MEOX2: variants seen among roughly 807,000 people sequenced by gnomAD.
The protein encoded by MEOX2 is homeobox protein MOX-2.
A neutral mutation model predicts 27.0 loss-of-function variants in MEOX2; 11 were observed. The observed-to-expected ratio is 0.41, with a 90% CI of 0.26 to 0.68. The LOEUF (loss-of-function observed/expected upper bound fraction) is 0.68, where lower values mean the gene tolerates loss of function less well. Among genes scored for constraint, MEOX2 ranks in the 30% least tolerant of loss-of-function variants. MEOX2 has a pLI of 0.33. For synonymous variants in MEOX2, 189 were observed against 155.4 expected (o/e 1.22, Z -1.61); for missense variants, 436 against 385.4 (o/e 1.13, Z -1.10).
chr7:15,679,320 C>T (rs993690818), intron 1 of MEOX2: 1 of 151,948 alleles, frequency 6.6e-6, no homozygotes, highest in Non-Finnish European at 1.5e-5. Context: ...TTATCCTTTC[C>T]TTGCCATTGT....
At chr7:15,651,037 A>C (rs1781725439) in intron 1 of MEOX2, among the ~76,000 whole-genome samples, 1 of 152,008 alleles carries the variant, frequency 6.6e-6, no homozygotes, top group Non-Finnish European at 1.5e-5. Context: ...AAGTGCTGGA[A>C]ACAAGGACGT....
At chr7:15,641,253 T>G (rs1047269616) in intron 1 of MEOX2, among the ~76,000 whole-genome samples, 1 of 152,170 alleles carries the variant, frequency 6.6e-6, no homozygotes, top group Non-Finnish European at 1.5e-5. Flanking sequence ...TCTTGGGAGA[T>G]TGTATGTTTC....
chr7:15,684,760 A>G (rs907028147), intron 1 of MEOX2, among the ~76,000 whole-genome samples: 2 of 152,270 alleles, frequency 1.3e-5, no homozygotes, highest in African/African-American at 4.8e-5. Context: ...ATTATATTAA[A>G]CAAATGACAC....
rs1467592156 is a variant in MEOX2, at chr7:15,612,268, C to T, written c.*119G>A. On this transcript the variant is annotated 3_prime_UTR_variant, in exon 3 of 3. Coordinates refer to ENST00000262041, the MANE Select transcript of MEOX2 (RefSeq NM_005924.5). The stretch of plus-strand genomic sequence containing the variant: ...ATCATGAAAAACAGATTCGAAATGC[C>T]TGGATTTAATAATATTAAACATCAC... 6 of 827,284 alleles carry T rather than the reference C, an allele frequency of 7.3e-6. No individual in the cohort carries two copies. The South Asian group carries it at 9.9e-5, about 14-fold the overall frequency. 51.2% of individuals were successfully genotyped at this position (827,284 alleles called of 1,614,324 possible).
chr7:15,663,459 A>C (rs1057408194), intron 1 of MEOX2, among the ~76,000 whole-genome samples: 1 of 151,426 alleles, frequency 6.6e-6, no homozygotes, highest in African/African-American at 2.4e-5. Context: ...CAGCCTCCTG[A>C]GTAGTTGGGG....
intron 1 of MEOX2, among the ~76,000 whole-genome samples, chr7:15,662,498 T>A (rs1242827513): frequency 6.6e-6 from 1 of 152,054 alleles, no homozygotes; most frequent in Admixed American, 6.6e-5. Context: ...AACTTTTGAA[T>A]GATACTAGAT....
At chr7:15,644,466 T>G (rs922716904) in intron 1 of MEOX2, among the ~76,000 whole-genome samples, 3 of 152,298 alleles carry the variant, frequency 2.0e-5, no homozygotes, top group African/African-American at 7.2e-5. Flanking sequence ...AATCCTTATA[T>G]GCCTGAAACA....
intron 1 of MEOX2, among the ~76,000 whole-genome samples, chr7:15,639,621 A>T (rs1325210533): frequency 6.6e-6 from 1 of 152,004 alleles, no homozygotes; most frequent in African/African-American, 2.4e-5. Context: ...TCTTTGGTAC[A>T]TCTTCAGTTA....
chr7:15,673,357 C>T (rs1455196942), intron 1 of MEOX2, among the ~76,000 whole-genome samples: 4 of 151,704 alleles, frequency 2.6e-5, no homozygotes, highest in South Asian at 2.1e-4. Context: ...TAACCATCCA[C>T]ATTTTAATGA....
chr7:15,676,094 A>G (rs957104), intron 1 of MEOX2: 78,647 of 151,930 alleles, frequency 0.52, 20,727 homozygotes, highest in African/African-American at 0.61. Flanking sequence ...ACACTGCCTT[A>G]TGGATGTGGG....
intron 1 of MEOX2, among the ~76,000 whole-genome samples, chr7:15,658,538 CA>C (rs1396795319): frequency 6.6e-6 from 1 of 152,034 alleles, no homozygotes; most frequent in Non-Finnish European, 1.5e-5. Context: ...GGCAAAAAAG[CA>C]AAAAGAGAAC....
chr7:15,686,279 A>G lies in MEOX2; in HGVS notation c.124T>C (p.Ser42Pro), dbSNP rs747422920. The change falls in exon 1 of 3, where the codon TCT becomes CCT. Residue 42 changes from serine (S) to proline (P), a missense_variant. Physicochemically the swap from Ser to Pro is moderately conservative, Grantham distance 74 (BLOSUM62 -1). Coordinates refer to ENST00000262041, the MANE Select transcript of MEOX2 (RefSeq NM_005924.5). ...RSDHMSYPEL[S>P]TSSSSCIIAG... ...ATTATGCAAGATGAGGAAGAAGTAGAGAGCTCGGGGTAAGACATATGGTCA... is the reference window on the plus strand; with the variant it reads ...ATTATGCAAGATGAGGAAGAAGTAGGGAGCTCGGGGTAAGACATATGGTCA... 7.4e-6 allele frequency: 12 copies of G among 1,612,660 alleles called. No homozygotes were observed. Among genetic ancestry groups the G allele is most frequent in the African/African-American group, 1.3e-5 (1 of 74,984 alleles).
intron 1 of MEOX2, among the ~76,000 whole-genome samples, chr7:15,628,244 T>G (rs573334893): frequency 1.1e-4 from 17 of 152,214 alleles, no homozygotes; most frequent in African/African-American, 4.1e-4. Context: ...TGAGGGATGT[T>G]TAACTGAACT....
At chr7:15,620,338 G>C (rs1293252076) in intron 2 of MEOX2, among the ~76,000 whole-genome samples, 1 of 152,192 alleles carries the variant, frequency 6.6e-6, no homozygotes, top group African/African-American at 2.4e-5. Context: ...AACTCATGGA[G>C]ACATAATTAG....
intron 1 of MEOX2, 45 bp downstream of exon 1, chr7:15,685,841 T>C (rs1414073389): frequency 1.9e-6 from 3 of 1,541,446 alleles, no homozygotes; most frequent in Non-Finnish European, 2.6e-6. Flanking sequence ...TCCGCCCCTT[T>C]TCCAGCCCGG....
intron 2 of MEOX2, among the ~76,000 whole-genome samples, chr7:15,617,633 T>C (rs1781143583): frequency 6.6e-6 from 1 of 152,098 alleles, no homozygotes; most frequent in African/African-American, 2.4e-5. Context: ...TAATTGACTC[T>C]GTTGTTTCTA....
intron 1 of MEOX2, among the ~76,000 whole-genome samples, chr7:15,639,225 T>C (rs1781526240): frequency 6.6e-6 from 1 of 152,102 alleles, no homozygotes; most frequent in Admixed American, 6.6e-5. Context: ...TCACTGATGA[T>C]TTGTGATGTT....
At chr7:15,645,645 T>C (rs1781631743) in intron 1 of MEOX2, among the ~76,000 whole-genome samples, 1 of 152,154 alleles carries the variant, frequency 6.6e-6, no homozygotes, top group Non-Finnish European at 1.5e-5. Context: ...AGTTATTGAG[T>C]ACCTGAATTA....
chr7:15,683,890 T>A (rs1782332664), intron 1 of MEOX2, among the ~76,000 whole-genome samples: 1 of 152,184 alleles, frequency 6.6e-6, no homozygotes, highest in African/African-American at 2.4e-5. Flanking sequence ...CACTTATATT[T>A]GCTTGTTTTT....
Sources: gnomAD v4.1 joint callset for allele counts (sites outside exome capture counted in the v4.1 genomes callset) on GRCh38, gnomAD v4.1.1 for gene constraint, MANE v1.5 for transcripts, NCBI Gene and HGNC (gene_info 2026-07-23, HGNC 2026-07-21) for gene names.